IMP4: variants seen among roughly 807,000 people sequenced by gnomAD.
The protein encoded by IMP4 is IMP U3 small nucleolar ribonucleoprotein 4.
A neutral mutation model predicts 42.7 loss-of-function variants in IMP4; 30 were observed. That is an observed-to-expected ratio of 0.70 (90% CI 0.53 to 0.95). The LOEUF is 0.95. IMP4 is among the 40% of genes least tolerant of loss of function. The pLI is 0.00. For missense variants in IMP4, 382 were observed against 411.4 expected (o/e 0.93, Z 0.62); for synonymous variants, 165 against 165.2 (o/e 1.00, Z 0.01).
chr2:130,343,213 G>A lies in IMP4; in HGVS notation c.112+19G>A. ...CTGGAAGGTAAGGCATCGGCCCCGC[G>A]GGCGTCTGCGTGGTAAACCACCCCG... On this transcript the variant is annotated intron_variant, in intron 2 of 8. Coordinates refer to ENST00000259239, the MANE Select transcript of IMP4 (RefSeq NM_033416.3). The A allele has an allele frequency of 1.3e-6, 2 of 1,504,472 alleles. No homozygotes were observed. Among genetic ancestry groups the A allele is most frequent in the Non-Finnish European group, 1.8e-6 (2 of 1,104,774 alleles). The allele number at this position is 1,504,472 out of a possible 1,614,324, so 93.2% of individuals were successfully genotyped here.
chr2:130,344,927 C>T (rs1231591690), intron 3 of IMP4: 5 of 591,330 alleles, frequency 8.5e-6, no homozygotes, highest in Non-Finnish European at 1.5e-5. Flanking sequence ...CTGCACCTGG[C>T]TTGTTAATTA....
At position 130,345,547 on chromosome 2, in the gene IMP4, A is replaced by G; in HGVS notation, c.307-20A>G. The G allele has an allele frequency of 6.2e-7, 1 of 1,614,136 alleles. No homozygotes were observed. The highest frequency in any genetic ancestry group is 8.5e-7 in the Non-Finnish European group (1 of 1,180,024). ...GACACACAGCCCCAGTCCTGACTGT[A>G]CACTGCCATCCACGCCCAGGAGCTG... On this transcript the variant is annotated intron_variant, in intron 4 of 8. Transcript: ENST00000259239. This position sits in a 1 kb window ranked among gnomAD's most constrained non-coding sequence, Gnocchi z 4.9.
In IMP4 at chr2:130,345,049, T is replaced by C. The variant is rs533456154; in HGVS notation, c.197-327T>C. The C allele has an allele frequency of 5.5e-6, 3 of 550,198 alleles. No homozygotes were observed. The highest frequency in any genetic ancestry group is 1.9e-5 in the African/African-American group (1 of 53,088). 34.1% of individuals were successfully genotyped at this position (550,198 alleles called of 1,614,324 possible). A position where few individuals can be genotyped will look rare whatever the true frequency, so the allele number is the denominator to read the frequency against. ...GAAACAAGAAAGGAATCCCAAACAT[T>C]ATAGATATTTGTTACGAGGGAAAAG... On this transcript the variant is annotated intron_variant, in intron 3 of 8. Coordinates refer to ENST00000259239, the MANE Select transcript of IMP4 (RefSeq NM_033416.3). The surrounding 1 kb of genome is among the most constrained non-coding windows in gnomAD (Gnocchi z 4.9).
intron 7 of IMP4, 39 bp downstream of exon 7, chr2:130,346,151 C>G (rs1679546124): frequency 6.2e-7 from 1 of 1,612,436 alleles, no homozygotes; most frequent in East Asian, 2.2e-5. Flanking sequence ...GCATCCCCAC[C>G]CTGTGTACCT....
At position 130,345,749 on chromosome 2, in the gene IMP4, G is replaced by A; in HGVS notation, c.440-30G>A. The A allele has an allele frequency of 1.2e-6, 2 of 1,612,510 alleles. No homozygotes were observed. Among genetic ancestry groups the A allele is most frequent in the Non-Finnish European group, 1.7e-6 (2 of 1,179,936 alleles). On this transcript the variant is annotated intron_variant, in intron 5 of 8. Transcript: ENST00000259239. The surrounding 1 kb of genome is among the most constrained non-coding windows in gnomAD (Gnocchi z 4.9). ...GGTGGGAGCCGTCTGAGGGCAGACGGGGTCTCTGACAGCCACCTTTCCCCG... is the reference window on the plus strand; with the variant it reads ...GGTGGGAGCCGTCTGAGGGCAGACGAGGTCTCTGACAGCCACCTTTCCCCG...
chr2:130,343,265 G>A (rs1163496791), intron 2 of IMP4, 71 bp downstream of exon 2: 1 of 1,125,128 alleles, frequency 8.9e-7, no homozygotes, highest in South Asian at 1.3e-5. Context: ...GAATATCCGA[G>A]CGTCTTTCCA....
Position 130,347,684 on chromosome 2 carries a change from C to G in IMP4, c.*1216C>G, listed in dbSNP as rs1268172287. On this transcript the variant is annotated 3_prime_UTR_variant, in exon 9 of 9. Coordinates refer to ENST00000259239, the MANE Select transcript of IMP4 (RefSeq NM_033416.3). Reference sequence around the variant, plus strand: ...TTTTGCCCCTCCTGCCATGTGAGGACACAGCTAGAAGCTACCATCTGTGAA... The same window carrying G: ...TTTTGCCCCTCCTGCCATGTGAGGAGACAGCTAGAAGCTACCATCTGTGAA... 1 of 152,354 alleles carries G rather than the reference C, an allele frequency of 6.6e-6. No individual in the cohort carries two copies. Among genetic ancestry groups the G allele is most frequent in the East Asian group, 1.9e-4 (1 of 5,198 alleles). The allele number at this position is 152,354 out of a possible 1,614,324, so 9.4% of individuals were successfully genotyped here.
chr2:130,346,662 G>C lies in IMP4; in HGVS notation c.*194G>C, dbSNP rs1169099715. 7 of 612,436 alleles carry C rather than the reference G, an allele frequency of 1.1e-5. No homozygotes were observed. In the African/African-American group the frequency reaches 1.3e-4, roughly 11 times the overall value. 37.9% of individuals were successfully genotyped at this position (612,436 alleles called of 1,614,324 possible). The stretch of plus-strand genomic sequence containing the variant: ...TGAGTGGTCAGGCCAAGTCTGCAGG[G>C]CAAAGCCCATGGGATCCCTTTGGGT... On this transcript the variant is annotated 3_prime_UTR_variant, in exon 9 of 9. Transcript: ENST00000259239.
chr2:130,345,317 C>G lies in IMP4; in HGVS notation c.197-59C>G, dbSNP rs1216137675. ...CGACATCCAGGCGGTCTTGGCTGCCCCGAAGTTAGCATTTCATTCCCAAGA... is the reference window on the plus strand; with the variant it reads ...CGACATCCAGGCGGTCTTGGCTGCCGCGAAGTTAGCATTTCATTCCCAAGA... On this transcript the variant is annotated intron_variant, in intron 3 of 8. Coordinates refer to ENST00000259239, the MANE Select transcript of IMP4 (RefSeq NM_033416.3). This position sits in a 1 kb window ranked among gnomAD's most constrained non-coding sequence, Gnocchi z 4.9. The G allele has an allele frequency of 7.2e-7, 1 of 1,398,110 alleles. No individual in the cohort carries two copies. The highest frequency in any genetic ancestry group is 2.4e-5 in the East Asian group (1 of 41,564). The allele number at this position is 1,398,110 out of a possible 1,614,324, so 86.6% of individuals were successfully genotyped here. A position where few individuals can be genotyped will look rare whatever the true frequency, so the allele number is the denominator to read the frequency against.
chr2:130,342,984 G>A, intron 1 of IMP4, 49 bp downstream of exon 1: 1 of 1,613,908 alleles, frequency 6.2e-7, no homozygotes, highest in Non-Finnish European at 8.5e-7. Context: ...GTGAAGTGCT[G>A]GGGATGTGGC....
Position 130,345,683 on chromosome 2 carries a change from G to A in IMP4, c.423G>A (p.Glu141=). 1.9e-6 allele frequency: 3 copies of A among 1,613,946 alleles called. No individual in the cohort carries two copies. The highest frequency in any genetic ancestry group is 2.5e-6 in the Non-Finnish European group (3 of 1,180,034). ...NGVTDLLVVH[E]HRGTPVGLIV... ...TCACCGATCTGCTGGTCGTTCACGA[G>A]CATCGGGGCACACCTGGTAAGGCCG... is the stretch of plus-strand genomic sequence containing the variant. The change falls in exon 5 of 9, where the codon GAG becomes GAA. Residue 141 remains glutamate, a synonymous_variant. Coordinates refer to ENST00000259239, the MANE Select transcript of IMP4 (RefSeq NM_033416.3). The surrounding 1 kb of genome is among the most constrained non-coding windows in gnomAD (Gnocchi z 4.9).
chr2:130,342,930 A>T lies in IMP4; in HGVS notation c.-3A>T, dbSNP rs778518708. On this transcript the variant is annotated 5_prime_UTR_variant, in exon 1 of 9. Coordinates refer to ENST00000259239, the MANE Select transcript of IMP4 (RefSeq NM_033416.3). ...CCGGACCCACGTGGAAGCGGCACTC[A>T]AGATGGTAGGAGAATGAGCTCCTGT... 1.2e-6 allele frequency: 2 copies of T among 1,614,104 alleles called. No individual in the cohort carries two copies. Among genetic ancestry groups the T allele is most frequent in the South Asian group, 1.1e-5 (1 of 91,072 alleles).
rs1679685490 is a variant in IMP4, at chr2:130,347,750, C to T, written c.*1282C>T. On this transcript the variant is annotated 3_prime_UTR_variant, in exon 9 of 9. Transcript: ENST00000259239. ...CACCAGACACTGAATCTGCTGGAGC[C>T]ACCATCTTGGACTTCCCAGCCTCCA... 1 of 153,318 alleles carries T rather than the reference C, an allele frequency of 6.5e-6. No homozygotes were observed. The highest frequency in any genetic ancestry group is 1.5e-5 in the Non-Finnish European group (1 of 68,918). The allele number at this position is 153,318 out of a possible 1,614,324, so 9.5% of individuals were successfully genotyped here.
chr2:130,344,816 T>C, intron 3 of IMP4, 104 bp downstream of exon 3: 1 of 789,602 alleles, frequency 1.3e-6, no homozygotes, highest in Admixed American at 1.9e-5. Flanking sequence ...CTCCTGGAAC[T>C]GTCCCCCATG....
Position 130,347,109 on chromosome 2 carries a change from T to C in IMP4, c.*641T>C, listed in dbSNP as rs1311563455. On this transcript the variant is annotated 3_prime_UTR_variant, in exon 9 of 9. Coordinates refer to ENST00000259239, the MANE Select transcript of IMP4 (RefSeq NM_033416.3). ...AGACACTTAGGTCGTTTTCATAGTT[T>C]GGCAGTTGTGGAAATGCTGCAGTAA... 6.5e-6 allele frequency: 1 copy of C among 153,680 alleles called. No homozygotes were observed. The highest frequency in any genetic ancestry group is 1.4e-5 in the Non-Finnish European group (1 of 69,066). The allele number at this position is 153,680 out of a possible 1,614,324, so 9.5% of individuals were successfully genotyped here.
rs2104895672 is a variant in IMP4 at position 130,345,640 on chromosome 2, C to A, written c.380C>A (p.Ala127Asp). ...GRHEVGALVR[A>D]CKANGVTDLL... ...CATGAAGTGGGGGCACTGGTGCGAG[C>A]CTGCAAAGCCAACGGCGTCACCGAT... The change falls in exon 5 of 9, where the codon GCC (alanine) becomes GAC (aspartate). Residue 127 changes from alanine (A) to aspartate (D), a missense_variant. By Grantham distance (126) the Ala-to-Asp change is moderately radical (BLOSUM62 -2). Transcript: ENST00000259239. This position sits in a 1 kb window ranked among gnomAD's most constrained non-coding sequence, Gnocchi z 4.9. 1 of 1,614,066 alleles carries A rather than the reference C, an allele frequency of 6.2e-7. No homozygotes were observed. The highest frequency in any genetic ancestry group is 8.5e-7 in the Non-Finnish European group (1 of 1,180,028).
In IMP4 at chr2:130,344,622, T is replaced by C. The variant is rs747496551; in HGVS notation, c.113-7T>C. 1.3e-5 allele frequency: 21 copies of C among 1,610,688 alleles called. No individual in the cohort carries two copies. In the South Asian group the frequency reaches 1.6e-4, roughly 13 times the overall value. On this transcript the variant is annotated splice_polypyrimidine_tract_variant and splice_region_variant and intron_variant, in intron 2 of 8. Coordinates refer to ENST00000259239, the MANE Select transcript of IMP4 (RefSeq NM_033416.3). ...ACTCACTCAGCCCCTCTCTCTTCCC[T>C]CTGCAGAAAACCGCCTGATTCCCAC...
At position 130,344,408 on chromosome 2, in the gene IMP4, C is replaced by G. The variant is rs903652035; in HGVS notation, c.113-221C>G. Among the ~76,000 whole-genome samples, 2 of 152,186 alleles carry G rather than the reference C, an allele frequency of 1.3e-5. 1 individual carries two copies. The highest frequency in any genetic ancestry group is 4.1e-4 in the South Asian group (2 of 4,832). ...GTACATTAAGATATTTTAGAAAGTC[C>G]TCAAGTCATGAGACTAAAGAAAATG... On this transcript the variant is annotated intron_variant, in intron 2 of 8. Transcript: ENST00000259239.
At chr2:130,344,573 T>G in intron 2 of IMP4, 56 bp from the exon 3 acceptor site, 28 of 1,104,704 alleles carry the variant, frequency 2.5e-5, no homozygotes, top group Non-Finnish European at 3.9e-5. Context: ...GTGTATTGGA[T>G]GAGCTGAGGT....
Sources: allele counts gnomAD v4.1 joint callset (sites outside exome capture counted in the v4.1 genomes callset), GRCh38; gene constraint gnomAD v4.1.1; non-coding constraint Gnocchi (gnomAD v3.1); transcripts MANE v1.5; gene names NCBI Gene and HGNC (gene_info 2026-07-23, HGNC 2026-07-21).